The following TANC2 variants were observed in gnomAD, a reference collection of about 807,000 sequenced individuals.
The protein encoded by TANC2 is tetratricopeptide repeat, ankyrin repeat and coiled-coil containing 2, also known as protein TANC2.
In TANC2, 26 loss-of-function variants were observed where a neutral mutation model predicts 210.5. The ratio of observed to expected loss-of-function variants is 0.12; its 90% CI spans 0.09 to 0.17. The LOEUF (loss-of-function observed/expected upper bound fraction) is 0.17, where lower values mean the gene tolerates loss of function less well. TANC2 is among the 10% of genes least tolerant of loss of function. TANC2 has a pLI of 1.00. For missense variants in TANC2, 2,129 were observed against 2,608.9 expected, an observed-to-expected ratio of 0.82 and a Z score of 4.01; for synonymous variants, 931 against 967.1, an observed-to-expected ratio of 0.96 and a Z score of 0.69.
chr17:63,420,529 T>C lies in TANC2; in HGVS notation c.4799T>C (p.Phe1600Ser). 6.2e-7 allele frequency: 1 copy of C among 1,613,928 alleles called. No individual in the cohort carries two copies. Among genetic ancestry groups the C allele is most frequent in the Non-Finnish European group, 8.5e-7 (1 of 1,179,850 alleles). ...GCTCATCAGGGAGGATCTTACCGTT[T>C]CAGCCCCCCTCCTGTGGGAGGACAG... The change falls in exon 28 of 28, where the codon TTC becomes TCC. Residue 1600 changes from phenylalanine (F) to serine (S), a missense_variant. Physicochemically the swap from Phe to Ser is radical, Grantham distance 155. Around this residue, in one of 5 missense-constraint regions of TANC2, gnomAD observed 584 missense variants for 627.3 expected, o/e 0.93. Transcript: ENST00000689528. The surrounding 1 kb of genome is among the most constrained non-coding windows in gnomAD (Gnocchi z 4.2).
intron 4 of TANC2, among the ~76,000 whole-genome samples, chr17:63,127,532 ATAGAT>A (rs754272224): frequency 2.6e-5 from 4 of 152,368 alleles, no homozygotes; most frequent in South Asian, 2.1e-4. Flanking sequence ...CAAAAATTGT[ATAGAT>A]TAGAGACTGA....
chr17:62,966,979 G>A lies in TANC2; in HGVS notation c.-24+230G>A, dbSNP rs1485122321. 1 of 152,292 alleles carries A rather than the reference G, an allele frequency of 6.6e-6. No homozygotes were observed. The allele number at this position is 152,292 out of a possible 1,614,324, so 9.4% of individuals were successfully genotyped here. ...CTTGGCTGTCACCGAAGATGTCATG[G>A]AATTTGGTACCTAGAGCGTCTCTGG... On this transcript the variant is annotated intron_variant, in intron 1 of 27. Coordinates refer to ENST00000689528, the Ensembl canonical transcript of TANC2. The surrounding 1 kb of genome is among the most constrained non-coding windows in gnomAD (Gnocchi z 5.1).
intron 7 of TANC2, among the ~76,000 whole-genome samples, chr17:63,201,831 C>T (rs2041545226): frequency 6.6e-6 from 1 of 151,668 alleles, no homozygotes; most frequent in Non-Finnish European, 1.5e-5. Context: ...TTGGAGGGCT[C>T]ATTCATGTTC....
At chr17:63,268,886 G>A (rs756260544) in intron 9 of TANC2, among the ~76,000 whole-genome samples, 2 of 152,120 alleles carry the variant, frequency 1.3e-5, no homozygotes, top group African/African-American at 2.4e-5. Context: ...GAACCAAACT[G>A]TCTCTGATAG....
chr17:63,089,534 G>A (rs1267405715), intron 3 of TANC2, among the ~76,000 whole-genome samples: 2 of 152,132 alleles, frequency 1.3e-5, no homozygotes, highest in Non-Finnish European at 2.9e-5. Flanking sequence ...TTTGTAGACC[G>A]TGGTAAGGAT....
chr17:63,278,348 A>G (rs1473554110), intron 9 of TANC2, among the ~76,000 whole-genome samples: 2 of 152,196 alleles, frequency 1.3e-5, no homozygotes, highest in Non-Finnish European at 2.9e-5. Context: ...GAAGACATAC[A>G]AATAGCCAAT....
At chr17:63,132,633 C>T (rs1483403220) in intron 4 of TANC2, among the ~76,000 whole-genome samples, 2 of 152,198 alleles carry the variant, frequency 1.3e-5, no homozygotes, top group Non-Finnish European at 1.5e-5. Flanking sequence ...CTTCCCTCTT[C>T]TCTGCTAGCC....
intron 5 of TANC2, among the ~76,000 whole-genome samples, chr17:63,164,024 G>A (rs2040120299): frequency 6.6e-6 from 1 of 151,786 alleles, no homozygotes; most frequent in Non-Finnish European, 1.5e-5. Context: ...AGTACAAATG[G>A]GTGCTAAGTT....
At chr17:63,310,810 A>G (rs2045099040) in intron 9 of TANC2, among the ~76,000 whole-genome samples, 2 of 152,246 alleles carry the variant, frequency 1.3e-5, no homozygotes, top group South Asian at 2.1e-4. Context: ...GATGAGACTG[A>G]GAGGGATATG....
At chr17:63,182,845 G>C (rs925265964) in intron 5 of TANC2, 6 of 152,260 alleles carry the variant, frequency 3.9e-5, no homozygotes, top group African/African-American at 1.4e-4. Flanking sequence ...TAAATGGTGA[G>C]GAGCAGCTGC....
intron 15 of TANC2, among the ~76,000 whole-genome samples, chr17:63,383,426 T>C (rs1003112699): frequency 1.3e-5 from 2 of 152,204 alleles, no homozygotes; most frequent in Non-Finnish European, 2.9e-5. Flanking sequence ...GTAGTTTTGC[T>C]TTTCCCAGAA....
At chr17:63,251,682 T>C (rs1353468927) in intron 8 of TANC2, among the ~76,000 whole-genome samples, 1 of 152,176 alleles carries the variant, frequency 6.6e-6, no homozygotes. Flanking sequence ...TGGAAAGCTG[T>C]CTAAGCCCAA....
At chr17:63,242,629 C>T (rs1437403762) in intron 8 of TANC2, among the ~76,000 whole-genome samples, 1 of 151,886 alleles carries the variant, frequency 6.6e-6, no homozygotes, top group Admixed American at 6.6e-5. Context: ...GATATGAGGT[C>T]AAAAATGAGT....
At chr17:63,349,424 A>G (rs757526809) in intron 12 of TANC2, among the ~76,000 whole-genome samples, 6 of 152,180 alleles carry the variant, frequency 3.9e-5, no homozygotes, top group Non-Finnish European at 7.3e-5. Context: ...CTGGAAAATC[A>G]TGACTTTCTT....
chr17:63,386,942 TC>T (rs1380728888), intron 15 of TANC2, among the ~76,000 whole-genome samples: 2 of 152,042 alleles, frequency 1.3e-5, no homozygotes, highest in African/African-American at 4.8e-5. Flanking sequence ...AGCCTCAAAC[TC>T]CCGGGCTCAA....
chr17:63,411,591 C>T lies in TANC2; in HGVS notation c.3670C>T (p.Arg1224Cys), dbSNP rs775650558. The stretch of plus-strand genomic sequence containing the variant: ...TTTGAAGGGCCATCTCTCAGTAGTA[C>T]GTTCTCTGGTGGATAACGGAGCTGC... The change falls in exon 22 of 28, where the codon CGT becomes TGT. Residue 1224 changes from arginine (R) to cysteine (C), a missense_variant. By Grantham distance (180) the Arg-to-Cys change is radical. Around this residue, in one of 5 missense-constraint regions of TANC2, gnomAD observed 644 missense variants for 937.5 expected, o/e 0.69. Coordinates refer to ENST00000689528, the Ensembl canonical transcript of TANC2. 7 of 1,613,864 alleles carry T rather than the reference C, an allele frequency of 4.3e-6. No homozygotes were observed. The highest frequency in any genetic ancestry group is 2.2e-5 in the South Asian group (2 of 91,084).
rs1240396587 is a variant in TANC2 at position 63,421,351 on chromosome 17, C to T, written c.5621C>T (p.Ser1874Phe). The stretch of plus-strand genomic sequence containing the variant: ...TTCTCTCCATCTAGCAATAGTATCT[C>T]CTCCACCTCCAACCTAACTCCGACC... Residue 1874 changes from serine to phenylalanine, a missense_variant, in exon 28 of 28, where the codon TCC (serine) becomes TTC (phenylalanine). Ser to Phe is a radical substitution (Grantham distance 155). Coordinates refer to ENST00000689528, the Ensembl canonical transcript of TANC2. The surrounding 1 kb of genome is among the most constrained non-coding windows in gnomAD (Gnocchi z 6.9). The T allele has an allele frequency of 1.2e-6, 2 of 1,613,918 alleles. No individual in the cohort carries two copies. Among genetic ancestry groups the T allele is most frequent in the Non-Finnish European group, 1.7e-6 (2 of 1,179,890 alleles).
At chr17:63,176,262 T>C (rs2145610507) in intron 5 of TANC2, among the ~76,000 whole-genome samples, 2 of 152,350 alleles carry the variant, frequency 1.3e-5, no homozygotes, top group Admixed American at 1.3e-4. Flanking sequence ...AGCACTTTTA[T>C]ACATATCAGC....
intron 7 of TANC2, among the ~76,000 whole-genome samples, chr17:63,234,062 T>G (rs1369802643): frequency 6.6e-6 from 1 of 152,210 alleles, no homozygotes; most frequent in Non-Finnish European, 1.5e-5. Flanking sequence ...GGACTTTTAT[T>G]GAAGTCCTTG....
Sources: allele counts gnomAD v4.1 joint callset (sites outside exome capture counted in the v4.1 genomes callset), GRCh38; gene constraint gnomAD v4.1.1; regional missense constraint gnomAD v4.1.1; non-coding constraint Gnocchi (gnomAD v3.1); transcripts MANE v1.5; gene names NCBI Gene and HGNC (gene_info 2026-07-23, HGNC 2026-07-21).